Variants in LRP1B observed in about 807,000 individuals in gnomAD.
LRP1B encodes LDL receptor related protein 1B, also known as low-density lipoprotein receptor-related protein 1B.
In LRP1B, 217 loss-of-function variants were observed where a neutral mutation model predicts 556.6. The observed-to-expected ratio is 0.39, with a 90% CI of 0.35 to 0.44. The LOEUF is 0.44. LRP1B is among the 20% of genes least tolerant of loss of function. The probability of loss-of-function intolerance (pLI) is 1.00; values close to 1 mark genes in which losing one functional copy is unlikely to be tolerated. For missense variants in LRP1B, 5,053 were observed against 5,620.8 expected, an observed-to-expected ratio of 0.90 and a Z score of 3.23; for synonymous variants, 2,047 against 1,865.8, an observed-to-expected ratio of 1.10 and a Z score of -2.50.
intron 14 of LRP1B, among the ~76,000 whole-genome samples, chr2:141,011,632 TCAATACA>T (rs1697753035): frequency 2.0e-5 from 3 of 152,062 alleles, no homozygotes; most frequent in Non-Finnish European, 4.4e-5. Flanking sequence ...TCAGTTATTC[TCAATACA>T]TTCACTCAGT....
At chr2:141,559,910 C>T (rs544025517) in intron 2 of LRP1B, among the ~76,000 whole-genome samples, 9 of 151,626 alleles carry the variant, frequency 5.9e-5, no homozygotes, top group African/African-American at 7.2e-5. Context: ...AGAAACAAAT[C>T]GTTTCATCCA....
intron 2 of LRP1B, among the ~76,000 whole-genome samples, chr2:141,556,683 A>T (rs2105239974): frequency 6.6e-6 from 1 of 152,032 alleles, no homozygotes; most frequent in African/African-American, 2.4e-5. Context: ...TGGGTTAAGA[A>T]CATGAGAGTT....
In LRP1B at chr2:142,060,899, C is replaced by T. The variant is rs371635082; in HGVS notation, c.82+69749G>A. The stretch of plus-strand genomic sequence containing the variant: ...GAGATATGAGGCATGAAAGCATAAC[C>T]GTGTATGTCCTAATGCACTGACAAT... On this transcript the variant is annotated intron_variant, in intron 1 of 90. Coordinates refer to ENST00000389484, the MANE Select transcript of LRP1B (RefSeq NM_018557.3). Among the ~76,000 whole-genome samples, 8 of 151,974 alleles carry T rather than the reference C, an allele frequency of 5.3e-5. No homozygotes were observed. The East Asian group carries it at 9.7e-4, about 18-fold the overall frequency.
intron 6 of LRP1B, among the ~76,000 whole-genome samples, chr2:141,224,878 C>G: frequency 6.6e-6 from 1 of 152,018 alleles, no homozygotes; most frequent in East Asian, 1.9e-4. Context: ...GGGCTTAATA[C>G]TTAGATGATG....
chr2:140,867,111 T>G (rs2105151868), intron 27 of LRP1B, among the ~76,000 whole-genome samples: 1 of 152,178 alleles, frequency 6.6e-6, no homozygotes, highest in African/African-American at 2.4e-5. Context: ...TAGGAACACT[T>G]GGCAAACATT....
intron 3 of LRP1B, among the ~76,000 whole-genome samples, chr2:141,390,294 A>G (rs543047538): frequency 6.6e-6 from 1 of 152,308 alleles, no homozygotes; most frequent in African/African-American, 2.4e-5. Flanking sequence ...TAATAAAGAA[A>G]AAAAAAGCGT....
At chr2:141,709,416 T>C (rs960379616) in intron 2 of LRP1B, among the ~76,000 whole-genome samples, 1 of 139,584 alleles carries the variant, frequency 7.2e-6, no homozygotes, top group Admixed American at 7.0e-5. Context: ...GAGAATGTGC[T>C]CTGGGCCAGA....
intron 43 of LRP1B, among the ~76,000 whole-genome samples, chr2:140,552,611 A>G (rs1053365060): frequency 2.0e-5 from 3 of 152,144 alleles, no homozygotes; most frequent in African/African-American, 4.8e-5. Context: ...TTAAAAGTTC[A>G]TGAATGCTGC....
chr2:140,902,702 G>T (rs1391367059), intron 23 of LRP1B, among the ~76,000 whole-genome samples: 1 of 152,068 alleles, frequency 6.6e-6, no homozygotes, highest in African/African-American at 2.4e-5. Context: ...TCGGGAAAAA[G>T]AATAATCTGA....
At chr2:140,524,339 G>T (rs958635752) in intron 49 of LRP1B, among the ~76,000 whole-genome samples, 3 of 151,866 alleles carry the variant, frequency 2.0e-5, no homozygotes, top group African/African-American at 7.2e-5. Context: ...TGGTGAGGTT[G>T]TCGAGAAAAA....
chr2:141,286,498 T>C (rs956466522), intron 3 of LRP1B, among the ~76,000 whole-genome samples: 2 of 152,210 alleles, frequency 1.3e-5, no homozygotes, highest in African/African-American at 4.8e-5. Context: ...GGATATATTT[T>C]CTTCCTCCCT....
At position 141,086,071 on chromosome 2, in the gene LRP1B, C is replaced by T. The variant is rs1029675436; in HGVS notation, c.1014-23798G>A. 5.3e-5 allele frequency among the ~76,000 whole-genome samples: 8 copies of T among 152,122 alleles called. No individual in the cohort carries two copies. The South Asian group carries it at 6.2e-4, about 12-fold the overall frequency. On this transcript the variant is annotated intron_variant, in intron 7 of 90. Transcript: ENST00000389484. The stretch of plus-strand genomic sequence containing the variant: ...GGTCTGCTTGTTCTCTAATTGGTGA[C>T]GTTAATTTTGATCACTTGCTTAACT...
intron 35 of LRP1B, among the ~76,000 whole-genome samples, chr2:140,748,362 TA>T (rs564729309): frequency 0.02 from 2,393 of 119,080 alleles, 85 homozygotes; most frequent in African/African-American, 0.07. Flanking sequence ...ATATAATATA[TA>T]TTTATATATG....
intron 28 of LRP1B, among the ~76,000 whole-genome samples, chr2:140,851,245 A>G (rs1031395782): frequency 6.6e-6 from 1 of 152,130 alleles, no homozygotes; most frequent in African/African-American, 2.4e-5. Flanking sequence ...CCTGTACCAA[A>G]TGATGCTAGA....
Position 140,957,109 on chromosome 2 carries a change from T to C in LRP1B, c.2888-5169A>G, listed in dbSNP as rs1573920682. 2.6e-5 allele frequency among the ~76,000 whole-genome samples: 4 copies of C among 151,802 alleles called. No homozygotes were observed. The East Asian group carries it at 7.7e-4, about 29-fold the overall frequency. On this transcript the variant is annotated intron_variant, in intron 18 of 90. Coordinates refer to ENST00000389484, the MANE Select transcript of LRP1B (RefSeq NM_018557.3). The stretch of plus-strand genomic sequence containing the variant: ...TTAAGTGATTTTAATAAATATCTGA[T>C]AGATGTTATTTTATAGGCAATGTAA...
chr2:141,801,530 CAGG>C (rs1696006486), intron 2 of LRP1B, among the ~76,000 whole-genome samples: 1 of 152,132 alleles, frequency 6.6e-6, no homozygotes, highest in African/African-American at 2.4e-5. Flanking sequence ...GCTAGATCAC[CAGG>C]AGGACAGGTC....
intron 88 of LRP1B, among the ~76,000 whole-genome samples, chr2:140,238,891 A>G (rs752293801): frequency 5.3e-5 from 8 of 150,888 alleles, no homozygotes; most frequent in Non-Finnish European, 8.9e-5. Context: ...GTCAGTAATA[A>G]TGGACATTAT....
At chr2:140,675,894 G>T (rs757319652) in intron 41 of LRP1B, among the ~76,000 whole-genome samples, 1 of 152,062 alleles carries the variant, frequency 6.6e-6, no homozygotes, top group South Asian at 2.1e-4. Flanking sequence ...ACATGAGGCC[G>T]TATTCTGCTC....
rs758717134 is a variant in LRP1B at position 140,886,287 on chromosome 2, C to G, written c.3815G>C (p.Arg1272Thr). 114 of 1,606,682 alleles carry G rather than the reference C, an allele frequency of 7.1e-5. No homozygotes were observed. The highest frequency in any genetic ancestry group is 9.4e-5 in the Non-Finnish European group (110 of 1,175,702). The change falls in exon 24 of 91, where the codon AGG becomes ACG. Residue 1272 changes from arginine (R) to threonine (T), a missense_variant. By Grantham distance (71) the Arg-to-Thr change is moderately conservative. This residue lies in a region of LRP1B where 3,619 missense variants were observed against 3,931.9 expected (regional missense o/e 0.92). Coordinates refer to ENST00000389484, the MANE Select transcript of LRP1B (RefSeq NM_018557.3). ...IIFSIRHEIR[R>T]IDLHKRDYSL... ...ATAGTCTCTTTTGTGAAGATCAATCCTTCTGATCTCATGACGAATAGAAAA... is the reference window on the plus strand; with the variant it reads ...ATAGTCTCTTTTGTGAAGATCAATCGTTCTGATCTCATGACGAATAGAAAA...
Sources: allele counts gnomAD v4.1 joint callset (sites outside exome capture counted in the v4.1 genomes callset), GRCh38; gene constraint gnomAD v4.1.1; regional missense constraint gnomAD v4.1.1; transcripts MANE v1.5; gene names NCBI Gene and HGNC (gene_info 2026-07-23, HGNC 2026-07-21).